The following ARID4B variants were observed in gnomAD, a reference collection of about 807,000 sequenced individuals.
ARID4B encodes the protein AT-rich interaction domain 4B.
ARID4B carries 26 observed loss-of-function variants against 147.5 expected under a neutral mutation model. The observed-to-expected ratio is 0.18, with a 90% CI of 0.13 to 0.24. The LOEUF is 0.24. Ranked by LOEUF, ARID4B falls within the 10% of genes least tolerant of loss-of-function variation. The pLI is 1.00. For synonymous variants in ARID4B, 512 were observed against 507.9 expected, an observed-to-expected ratio of 1.01 and a Z score of -0.11; for missense variants, 1,179 against 1,511.5, an observed-to-expected ratio of 0.78 and a Z score of 3.65.
chr1:235,174,787 A>T (rs1302591528), intron 22 of ARID4B, among the ~76,000 whole-genome samples: 1 of 151,696 alleles, frequency 6.6e-6, no homozygotes, highest in Non-Finnish European at 1.5e-5. Context: ...ACTGCACTCT[A>T]GCCTGGGCGA....
intron 2 of ARID4B, among the ~76,000 whole-genome samples, chr1:235,301,453 C>T (rs1673132800): frequency 6.6e-6 from 1 of 151,086 alleles, no homozygotes; most frequent in Non-Finnish European, 1.5e-5. Context: ...GTGGGAGGAT[C>T]GCTAGAGCCT....
chr1:235,308,995 T>C, intron 2 of ARID4B, among the ~76,000 whole-genome samples: 1 of 141,996 alleles, frequency 7.0e-6, no homozygotes, highest in African/African-American at 2.7e-5. Flanking sequence ...GTGACGAGCG[T>C]CTCTGCCCGG....
intron 17 of ARID4B, among the ~76,000 whole-genome samples, chr1:235,206,801 A>T (rs956498990): frequency 6.6e-6 from 1 of 152,248 alleles, no homozygotes; most frequent in Non-Finnish European, 1.5e-5. Flanking sequence ...GGCTGATGAG[A>T]GTGGATTTAC....
At chr1:235,194,406 G>A (rs909867459) in intron 18 of ARID4B, among the ~76,000 whole-genome samples, 195 bp from the exon 19 acceptor site, 1 of 152,050 alleles carries the variant, frequency 6.6e-6, no homozygotes, top group Middle Eastern at 3.2e-3. Flanking sequence ...ATGATCAAAA[G>A]GTTTTGTATT....
intron 2 of ARID4B, among the ~76,000 whole-genome samples, chr1:235,261,742 A>G (rs1453359684): frequency 1.3e-5 from 2 of 152,202 alleles, no homozygotes; most frequent in Admixed American, 1.3e-4. Context: ...AGTTTTTAAT[A>G]GCTGCTCTTA....
chr1:235,319,199 A>G (rs1674648101), intron 2 of ARID4B, among the ~76,000 whole-genome samples: 1 of 152,258 alleles, frequency 6.6e-6, no homozygotes, highest in Non-Finnish European at 1.5e-5. Flanking sequence ...TTGTGAAAAT[A>G]CTAGAAATTT....
chr1:235,326,971 G>T lies in ARID4B; in HGVS notation c.-49-3C>A. On this transcript the variant is annotated splice_region_variant and splice_polypyrimidine_tract_variant and intron_variant, in intron 1 of 23. Transcript: ENST00000264183. ...TAAAACACCAGGTTCAGCTGCACCTGGAGGGGAAACAAAAGACACCCAGTC... is the reference window on the plus strand; with the variant it reads ...TAAAACACCAGGTTCAGCTGCACCTTGAGGGGAAACAAAAGACACCCAGTC... The T allele has an allele frequency of 6.2e-7, 1 of 1,603,840 alleles. No homozygotes were observed. The highest frequency in any genetic ancestry group is 8.5e-7 in the Non-Finnish European group (1 of 1,170,938).
chr1:235,228,954 C>A, intron 11 of ARID4B: 1 of 307,494 alleles, frequency 3.3e-6, no homozygotes, highest in Non-Finnish European at 6.0e-6. Context: ...CTGGTGGATA[C>A]TTTCTTAATC....
rs1667374922 is a variant in ARID4B at position 235,220,348 on chromosome 1, G to A, written c.1361C>T (p.Pro454Leu). Residue 454 changes from proline to leucine, a missense_variant, in exon 15 of 24, where the codon CCT becomes CTT. By Grantham distance (98) the Pro-to-Leu change is moderately conservative. This residue lies in a region of ARID4B where 204 missense variants were observed against 210.9 expected (regional missense o/e 0.97). Transcript: ENST00000264183. ...TTTTCTTTCAATTTCATCCTCAATA[G>A]GCTTTTCTTCTCTTGGTATTATATT... ...ERNIIPREEKPIEDEIERKEN... is the reference protein window; with the variant it reads ...ERNIIPREEKLIEDEIERKEN... The A allele has an allele frequency of 6.2e-7, 1 of 1,608,824 alleles. No homozygotes were observed. Among genetic ancestry groups the A allele is most frequent in the Non-Finnish European group, 8.5e-7 (1 of 1,176,972 alleles).
intron 16 of ARID4B, among the ~76,000 whole-genome samples, chr1:235,215,504 A>T (rs1272536781): frequency 3.3e-5 from 5 of 150,654 alleles, no homozygotes; most frequent in African/African-American, 1.2e-4. Flanking sequence ...TATTAAGAGT[A>T]ATGATTATAT....
At chr1:235,253,253 C>T (rs948298542) in intron 5 of ARID4B, among the ~76,000 whole-genome samples, 2 of 152,190 alleles carry the variant, frequency 1.3e-5, no homozygotes, top group Admixed American at 6.5e-5. Context: ...AGTAGGGTTT[C>T]TCACCCTTAG....
At chr1:235,179,506 A>G (rs181913683) in intron 20 of ARID4B, among the ~76,000 whole-genome samples, 2 of 138,992 alleles carry the variant, frequency 1.4e-5, no homozygotes, top group East Asian at 4.5e-4. Flanking sequence ...CTGGGCAACA[A>G]GAGCAAAACT....
At chr1:235,202,222 A>T (rs1375247806) in intron 17 of ARID4B, among the ~76,000 whole-genome samples, 1 of 151,986 alleles carries the variant, frequency 6.6e-6, no homozygotes, top group Non-Finnish European at 1.5e-5. Flanking sequence ...TGAAATAAAC[A>T]AAAAGTATTG....
intron 3 of ARID4B, among the ~76,000 whole-genome samples, chr1:235,259,643 A>G (rs1343951040): frequency 6.6e-6 from 1 of 152,264 alleles, no homozygotes; most frequent in Non-Finnish European, 1.5e-5. Context: ...AACTGAAGGT[A>G]GGGTGGGGCC....
chr1:235,168,791 A>C, intron 23 of ARID4B, 139 bp from the exon 24 acceptor site: 247 of 881,928 alleles, frequency 2.8e-4, no homozygotes, highest in Non-Finnish European at 4.0e-4. Context: ...GTCAATTCTC[A>C]CAGTTCTACG....
In ARID4B at chr1:235,250,967, C is replaced by T. The variant is rs575099117; in HGVS notation, c.354+1763G>A. Among the ~76,000 whole-genome samples the T allele has an allele frequency of 2.3e-3, 347 of 152,260 alleles. 2 individuals carry two copies. In the Middle Eastern group the frequency reaches 0.024, roughly 10 times the overall value. ...CAGGAGAAAAACCATGTCTTCAAGT[C>T]CTCATACTCACTGACTGTACGGAAA... On this transcript the variant is annotated intron_variant, in intron 6 of 23. Coordinates refer to ENST00000264183, the MANE Select transcript of ARID4B (RefSeq NM_016374.6).
At chr1:235,245,284 G>A (rs989581733) in intron 7 of ARID4B, among the ~76,000 whole-genome samples, 2 of 152,044 alleles carry the variant, frequency 1.3e-5, no homozygotes, top group Non-Finnish European at 2.9e-5. Flanking sequence ...CAAAACGGAC[G>A]CCTCAACTAA....
intron 17 of ARID4B, among the ~76,000 whole-genome samples, chr1:235,212,795 C>A (rs1666793530): frequency 6.6e-6 from 1 of 152,132 alleles, no homozygotes. Flanking sequence ...ATCAAAATTT[C>A]ATTTGCAACA....
intron 2 of ARID4B, among the ~76,000 whole-genome samples, chr1:235,290,379 G>C (rs1321209099): frequency 6.7e-6 from 1 of 150,334 alleles, no homozygotes; most frequent in African/African-American, 2.4e-5. Context: ...GGAGGCAGAG[G>C]TTGCAGTGAG....
Sources: allele counts gnomAD v4.1 joint callset (sites outside exome capture counted in the v4.1 genomes callset), GRCh38; gene constraint gnomAD v4.1.1; regional missense constraint gnomAD v4.1.1; transcripts MANE v1.5; gene names NCBI Gene and HGNC (gene_info 2026-07-23, HGNC 2026-07-21).